Variants in RTN1 observed in about 807,000 individuals in gnomAD.
RTN1 encodes the protein reticulon 1.
Under a neutral mutation model 65.5 loss-of-function variants are expected in RTN1, and 25 were observed. That is an observed-to-expected ratio of 0.38 (90% CI 0.28 to 0.53). The LOEUF is 0.53. RTN1 is among the 20% of genes least tolerant of loss of function. RTN1 has a pLI of 0.79. For synonymous variants in RTN1, 471 were observed against 447.6 expected (o/e 1.05, Z -0.66); for missense variants, 983 against 1,025.4 (o/e 0.96, Z 0.57).
At chr14:59,768,139 T>C (rs962104410) in intron 1 of RTN1, among the ~76,000 whole-genome samples, 4 of 152,230 alleles carry the variant, frequency 2.6e-5, no homozygotes, top group Non-Finnish European at 5.9e-5. Flanking sequence ...TATTTACTAA[T>C]TGATATGATT....
In RTN1 at chr14:59,745,874, G is replaced by T. The variant is rs1885207900; in HGVS notation, c.849C>A (p.Ile283=). The part of the protein sequence containing the change: ...RAPQITTPVK[I]TLTEIEPSVE... ...CAGAAGGTTCTATTTCCGTCAGTGT[G>T]ATTTTGACAGGGGTGGTGATCTGAG... Residue 283 remains isoleucine, a synonymous_variant, in exon 2 of 9, where the codon ATC becomes ATA. Coordinates refer to ENST00000267484, the MANE Select transcript of RTN1 (RefSeq NM_021136.3). The T allele has an allele frequency of 6.2e-7, 1 of 1,614,132 alleles. No individual in the cohort carries two copies.
In RTN1 at chr14:59,727,657, C is replaced by G. The variant is rs1132362; in HGVS notation, c.1027G>C (p.Ala343Pro). Residue 343 changes from alanine (A) to proline (P), a missense_variant, in exon 3 of 9, where the codon GCA (alanine) becomes CCA (proline). This residue lies in a region of RTN1 where 818 missense variants were observed against 801.8 expected (regional missense o/e 1.02). Transcript: ENST00000267484. This position sits in a 1 kb window ranked among gnomAD's most constrained non-coding sequence, Gnocchi z 4.2. ...PPSSGTEPSA[A>P]ESQGKGSISE... is the part of the protein sequence containing the mutation. ...ATGCTGCCTTTCCCCTGGGATTCTG[C>G]AGCAGATGGTTCTGTCGTCCCACAG... The G allele has an allele frequency of 0.012, 19,369 of 1,602,482 alleles. 152 individuals carry two copies. Among genetic ancestry groups the G allele is most frequent in the Non-Finnish European group, 0.015 (17,866 of 1,173,954 alleles).
intron 3 of RTN1, among the ~76,000 whole-genome samples, chr14:59,724,594 G>A (rs1884718173): frequency 1.3e-5 from 2 of 152,154 alleles, no homozygotes; most frequent in Non-Finnish European, 2.9e-5. Flanking sequence ...GCTGGGCGTG[G>A]TGGCTCACGC....
At chr14:59,692,267 A>G (rs1192797766) in intron 3 of RTN1, among the ~76,000 whole-genome samples, 5 of 152,216 alleles carry the variant, frequency 3.3e-5, no homozygotes, top group Non-Finnish European at 5.9e-5. Flanking sequence ...AAAAATCAGT[A>G]GCATTTCTAT....
rs768483248 is a variant in RTN1 at position 59,661,259 on chromosome 14, C to CAAAA, written c.1766-53771_1766-53768dup. On this transcript the variant is annotated intron_variant, in intron 3 of 8. Coordinates refer to ENST00000267484, the MANE Select transcript of RTN1 (RefSeq NM_021136.3). ...AGGCAGTAATTAATAGCCTACCAAC[C>CAAAA]AAAAAAAAAAAAAAAAAAAAGCCCA... 2.2e-3 allele frequency among the ~76,000 whole-genome samples: 187 copies of CAAAA among 83,254 alleles called. 4 individuals are homozygous for CAAAA. The highest frequency in any genetic ancestry group is 6.4e-3 in the African/African-American group (124 of 19,476). The allele number at this position is 83,254 out of a possible 152,430, so 54.6% of individuals were successfully genotyped here.
At chr14:59,661,003 A>T (rs1172733526) in intron 3 of RTN1, among the ~76,000 whole-genome samples, 1 of 152,032 alleles carries the variant, frequency 6.6e-6, no homozygotes, top group East Asian at 1.9e-4. Context: ...AGACTAATAA[A>T]GAAGAAAAAA....
chr14:59,614,565 T>C (rs975596684), intron 3 of RTN1, among the ~76,000 whole-genome samples: 2 of 152,246 alleles, frequency 1.3e-5, no homozygotes, highest in Non-Finnish European at 2.9e-5. Flanking sequence ...TAAAGATTAT[T>C]GGTAAAATAA....
intron 1 of RTN1, among the ~76,000 whole-genome samples, chr14:59,867,307 T>C (rs1163792291): frequency 6.6e-6 from 1 of 152,240 alleles, no homozygotes; most frequent in Non-Finnish European, 1.5e-5. Flanking sequence ...ACATTCTTTG[T>C]ATAAAGTTAT....
intron 1 of RTN1, among the ~76,000 whole-genome samples, chr14:59,791,306 A>G (rs1886344113): frequency 6.6e-6 from 1 of 152,046 alleles, no homozygotes; most frequent in Non-Finnish European, 1.5e-5. Context: ...TCTCCTCCAT[A>G]TTATCTGACA....
intron 3 of RTN1, among the ~76,000 whole-genome samples, chr14:59,709,461 A>G (rs1884370073): frequency 6.6e-6 from 1 of 152,212 alleles, no homozygotes; most frequent in Non-Finnish European, 1.5e-5. Context: ...TATTTTATGG[A>G]TGACAGTTCT....
chr14:59,610,515 T>C (rs1193978600), intron 3 of RTN1, among the ~76,000 whole-genome samples: 1 of 152,178 alleles, frequency 6.6e-6, no homozygotes, highest in Non-Finnish European at 1.5e-5. Context: ...AACTAAACTT[T>C]TAAACTTGTA....
chr14:59,616,385 T>C (rs953478319), intron 3 of RTN1, among the ~76,000 whole-genome samples: 5 of 152,136 alleles, frequency 3.3e-5, no homozygotes, highest in African/African-American at 1.2e-4. Context: ...TTGGTGAAAA[T>C]TGTTTCATAC....
In RTN1 at chr14:59,682,684, C is replaced by T. The variant is rs191355350; in HGVS notation, c.1765+44235G>A. On this transcript the variant is annotated intron_variant, in intron 3 of 8. Coordinates refer to ENST00000267484, the MANE Select transcript of RTN1 (RefSeq NM_021136.3). ...CACTTCATAAAACAGAAACAATTGT[C>T]TCTAGGGAACAAAATCAAATGTATA... Among the ~76,000 whole-genome samples, 4 of 152,238 alleles carry T rather than the reference C, an allele frequency of 2.6e-5. No homozygotes were observed. The East Asian group carries it at 7.7e-4, about 29-fold the overall frequency.
intron 3 of RTN1, among the ~76,000 whole-genome samples, chr14:59,659,515 A>C (rs11158267): frequency 0.35 from 53,109 of 152,086 alleles, 11,186 homozygotes; most frequent in East Asian, 0.47. Context: ...CCAGAAAGGG[A>C]AGCCCATCAG....
rs940751808 is a variant in RTN1, at chr14:59,747,732, T to C, written c.242-1251A>G. Among the ~76,000 whole-genome samples the C allele has an allele frequency of 1.1e-4, 17 of 152,330 alleles. 1 individual carries two copies. In the South Asian group the frequency reaches 3.5e-3, roughly 32 times the overall value. On this transcript the variant is annotated intron_variant, in intron 1 of 8. Coordinates refer to ENST00000267484, the MANE Select transcript of RTN1 (RefSeq NM_021136.3). ...CATACATTGAGGCGTCACTATATGC[T>C]AAGCAGTGGGATTTTTAATCTAATT...
chr14:59,598,781 CCT>C (rs1307010362), intron 8 of RTN1, among the ~76,000 whole-genome samples: 1 of 152,180 alleles, frequency 6.6e-6, no homozygotes, highest in Non-Finnish European at 1.5e-5. Flanking sequence ...AAATCCTACT[CCT>C]TTAGCAATGT....
chr14:59,636,431 C>T (rs562722496), intron 3 of RTN1, among the ~76,000 whole-genome samples: 7 of 152,218 alleles, frequency 4.6e-5, no homozygotes, highest in Admixed American at 6.5e-5. Context: ...GTAAGCTTCC[C>T]GAGGCCCTCG....
rs774074145 is a variant in RTN1 at position 59,630,410 on chromosome 14, C to T, written c.1766-22918G>A. 17 of 1,612,114 alleles carry T rather than the reference C, an allele frequency of 1.1e-5. No individual in the cohort carries two copies. The African/African-American group carries it at 1.7e-4, about 16-fold the overall frequency. ...GAGTCCAGGTCCCGGGTTTCCCGTG[C>T]GCCTCAGGCATGCACTACTGAAATA... is the stretch of plus-strand genomic sequence containing the variant. On this transcript the variant is annotated intron_variant, in intron 3 of 8. Coordinates refer to ENST00000267484, the MANE Select transcript of RTN1 (RefSeq NM_021136.3).
chr14:59,654,432 G>GGAAA lies in RTN1; in HGVS notation c.1766-46941_1766-46940insTTTC, dbSNP rs370396777. On this transcript the variant is annotated intron_variant, in intron 3 of 8. Transcript: ENST00000267484. ...TGACAGAGCGAGACTCTGTCTCTGT[G>GGAAA]AAAAAAAAAAAAAAAGGAGGAGGGA... is the stretch of plus-strand genomic sequence containing the variant. Among the ~76,000 whole-genome samples the GGAAA allele has an allele frequency of 6.4e-5, 7 of 108,828 alleles. 1 individual carries two copies. The highest frequency in any genetic ancestry group is 6.2e-5 in the Non-Finnish European group (3 of 48,150). 71.4% of individuals were successfully genotyped at this position (108,828 alleles called of 152,430 possible).
Sources: allele counts gnomAD v4.1 joint callset (sites outside exome capture counted in the v4.1 genomes callset), GRCh38; gene constraint gnomAD v4.1.1; regional missense constraint gnomAD v4.1.1; non-coding constraint Gnocchi (gnomAD v3.1); transcripts MANE v1.5; gene names NCBI Gene and HGNC (gene_info 2026-07-23, HGNC 2026-07-21).